The following BRINP1 variants were observed in gnomAD, a reference collection of about 807,000 sequenced individuals.
BRINP1 encodes BMP/retinoic acid-inducible neural-specific protein 1.
BRINP1 carries 17 observed loss-of-function variants against 72.9 expected under a neutral mutation model. The observed-to-expected ratio is 0.23, with a 90% CI of 0.16 to 0.35. The LOEUF (loss-of-function observed/expected upper bound fraction) is 0.35. BRINP1 is among the 10% of genes least tolerant of loss of function. BRINP1 has a pLI of 1.00. For synonymous variants in BRINP1, 418 were observed against 378.5 expected, an observed-to-expected ratio of 1.10 and a Z score of -1.21; for missense variants, 850 against 1,001.6, an observed-to-expected ratio of 0.85 and a Z score of 2.04.
chr9:119,285,342 C>T (rs1830749885), intron 2 of BRINP1, among the ~76,000 whole-genome samples: 1 of 152,106 alleles, frequency 6.6e-6, no homozygotes, highest in Admixed American at 6.6e-5. Flanking sequence ...AGAGGGGAAT[C>T]AAGAAAATGA....
In BRINP1 at chr9:119,199,890, G is replaced by A. The variant is rs545793809; in HGVS notation, c.1145+8829C>T. Among the ~76,000 whole-genome samples the A allele has an allele frequency of 2.7e-3, 401 of 150,890 alleles. 2 individuals are homozygous for A. Among genetic ancestry groups the A allele is most frequent in the Non-Finnish European group, 3.9e-3 (266 of 67,822 alleles). ...AGGATTTGGATTCAAGTCAGTTGAAGACAATCGCCATTTGCAGTTTCAATT... is the reference window on the plus strand; with the variant it reads ...AGGATTTGGATTCAAGTCAGTTGAAAACAATCGCCATTTGCAGTTTCAATT... On this transcript the variant is annotated intron_variant, in intron 7 of 7. Transcript: ENST00000265922.
chr9:119,313,308 G>T lies in BRINP1; in HGVS notation c.48C>A (p.Gly16=). Residue 16 remains glycine, a synonymous_variant, in exon 2 of 8, where the codon GGC becomes GGA. Coordinates refer to ENST00000265922, the MANE Select transcript of BRINP1 (RefSeq NM_014618.3). ...VELLYFLFIW[G]RISVQPSHQE... Reference sequence around the variant, plus strand: ...GGTGGGAGGGCTGCACTGAGATACGGCCCCATATAAACAGGAAGTAGAGGA... The same window carrying T: ...GGTGGGAGGGCTGCACTGAGATACGTCCCCATATAAACAGGAAGTAGAGGA... The T allele has an allele frequency of 6.2e-7, 1 of 1,614,068 alleles. No homozygotes were observed. Among genetic ancestry groups the T allele is most frequent in the Non-Finnish European group, 8.5e-7 (1 of 1,180,002 alleles).
intron 2 of BRINP1, among the ~76,000 whole-genome samples, chr9:119,262,738 C>T (rs1397966967): frequency 6.7e-6 from 1 of 149,896 alleles, no homozygotes; most frequent in African/African-American, 2.4e-5. Context: ...TCTACTCTAA[C>T]ATAACAACCT....
At chr9:119,349,537 A>G (rs1041701198) in intron 1 of BRINP1, among the ~76,000 whole-genome samples, 7 of 152,214 alleles carry the variant, frequency 4.6e-5, no homozygotes, top group Non-Finnish European at 7.3e-5. Context: ...ACTTGTAACA[A>G]TAAAAATACA....
At chr9:119,223,851 T>C (rs1442296221) in intron 5 of BRINP1, among the ~76,000 whole-genome samples, 5 of 152,030 alleles carry the variant, frequency 3.3e-5, no homozygotes, top group African/African-American at 1.2e-4. Context: ...AGTAAAAAAA[T>C]ACATAGGCAC....
At chr9:119,253,088 C>T (rs1369734657) in intron 2 of BRINP1, among the ~76,000 whole-genome samples, 1 of 152,176 alleles carries the variant, frequency 6.6e-6, no homozygotes, top group East Asian at 1.9e-4. Flanking sequence ...CCCTAAAGAA[C>T]TAACTACCTG....
At chr9:119,168,409 C>T (rs1044317025) in intron 7 of BRINP1, among the ~76,000 whole-genome samples, 185 bp from the exon 8 acceptor site, 1 of 152,206 alleles carries the variant, frequency 6.6e-6, no homozygotes, top group African/African-American at 2.4e-5. Context: ...CCTAATGCCA[C>T]AAACCAGCTG....
intron 7 of BRINP1, among the ~76,000 whole-genome samples, chr9:119,171,234 C>A (rs1191033155): frequency 6.7e-6 from 1 of 148,168 alleles, no homozygotes; most frequent in Non-Finnish European, 1.5e-5. Flanking sequence ...ATTCAGGAAA[C>A]CCATCTCATG....
At chr9:119,313,945 C>T (rs1368605611) in intron 1 of BRINP1, among the ~76,000 whole-genome samples, 1 of 152,168 alleles carries the variant, frequency 6.6e-6, no homozygotes. Flanking sequence ...AGGCATGTAT[C>T]CACTGAGCAC....
intron 5 of BRINP1, among the ~76,000 whole-genome samples, chr9:119,236,928 G>A (rs961504782): frequency 1.3e-5 from 2 of 152,128 alleles, no homozygotes; most frequent in Non-Finnish European, 2.9e-5. Flanking sequence ...TTCTTGGCCT[G>A]AATTTCCCTG....
At chr9:119,213,130 TC>T (rs1478260985) in intron 6 of BRINP1, among the ~76,000 whole-genome samples, 1 of 152,196 alleles carries the variant, frequency 6.6e-6, no homozygotes, top group African/African-American at 2.4e-5. Context: ...GTCAGATACT[TC>T]CATTTCTGTT....
chr9:119,224,784 C>T (rs1830073941), intron 5 of BRINP1, among the ~76,000 whole-genome samples: 1 of 152,016 alleles, frequency 6.6e-6, no homozygotes, highest in African/African-American at 2.4e-5. Context: ...GTGTCATGTA[C>T]CATGTCTCTC....
chr9:119,284,248 T>C (rs1830739080), intron 2 of BRINP1, among the ~76,000 whole-genome samples: 1 of 152,200 alleles, frequency 6.6e-6, no homozygotes, highest in African/African-American at 2.4e-5. Context: ...ATTTTACAAA[T>C]TCCATACTAT....
chr9:119,209,430 T>A (rs895606324), intron 6 of BRINP1, among the ~76,000 whole-genome samples: 1 of 151,790 alleles, frequency 6.6e-6, no homozygotes, highest in Non-Finnish European at 1.5e-5. Flanking sequence ...TAACCAGGCG[T>A]GGTGGCAGGT....
chr9:119,261,692 T>C (rs1830496513), intron 2 of BRINP1, among the ~76,000 whole-genome samples: 1 of 152,208 alleles, frequency 6.6e-6, no homozygotes, highest in Non-Finnish European at 1.5e-5. Flanking sequence ...CAACGTGGTA[T>C]TTCTGCAAGC....
chr9:119,274,371 G>GA (rs955329337), intron 2 of BRINP1, among the ~76,000 whole-genome samples: 3 of 152,176 alleles, frequency 2.0e-5, no homozygotes, highest in Non-Finnish European at 4.4e-5. Context: ...AACTGTAGTA[G>GA]AAAAAACAAA....
At chr9:119,272,134 A>G (rs1830613963) in intron 2 of BRINP1, among the ~76,000 whole-genome samples, 1 of 148,290 alleles carries the variant, frequency 6.7e-6, no homozygotes, top group Non-Finnish European at 1.5e-5. Flanking sequence ...GCTGGAGTGC[A>G]GTGGCGCGAT....
chr9:119,341,676 G>C (rs1831407656), intron 1 of BRINP1, among the ~76,000 whole-genome samples: 1 of 152,216 alleles, frequency 6.6e-6, no homozygotes, highest in African/African-American at 2.4e-5. Context: ...AAACTACGAT[G>C]TTTGGTAGAT....
At chr9:119,237,303 C>A (rs1302752807) in intron 5 of BRINP1, among the ~76,000 whole-genome samples, 3 of 151,564 alleles carry the variant, frequency 2.0e-5, no homozygotes, top group Admixed American at 6.6e-5. Flanking sequence ...ACCTAGAGAT[C>A]CAGAAGTAAG....
Sources: gnomAD v4.1 joint callset for allele counts (sites outside exome capture counted in the v4.1 genomes callset) on GRCh38, gnomAD v4.1.1 for gene constraint, MANE v1.5 for transcripts, NCBI Gene and HGNC (gene_info 2026-07-23, HGNC 2026-07-21) for gene names.